The following FOXP1 variants were observed in gnomAD, a reference collection of about 807,000 sequenced individuals.
FOXP1 encodes forkhead box protein P1.
In FOXP1, 15 loss-of-function variants were observed where a neutral mutation model predicts 98.2. That is an observed-to-expected ratio of 0.15 (90% CI 0.10 to 0.24). The LOEUF is 0.24. Ranked by LOEUF, FOXP1 falls within the 10% of genes least tolerant of loss-of-function variation. The probability of loss-of-function intolerance (pLI) is 1.00; values close to 1 mark genes in which losing one functional copy is unlikely to be tolerated. For synonymous variants in FOXP1, 371 were observed against 314.5 expected (o/e 1.18, Z -1.90); for missense variants, 633 against 848.5 (o/e 0.75, Z 3.15).
At chr3:71,240,811 C>T (rs2067211845) in intron 5 of FOXP1, among the ~76,000 whole-genome samples, 1 of 151,610 alleles carries the variant, frequency 6.6e-6, no homozygotes, top group East Asian at 2.0e-4. Flanking sequence ...TCCCAAAGTA[C>T]TGGGATTACA....
At chr3:71,333,820 T>C (rs949878676) in intron 4 of FOXP1, 3 of 150,614 alleles carry the variant, frequency 2.0e-5, no homozygotes, top group Non-Finnish European at 4.4e-5. Flanking sequence ...TGAGACCCTA[T>C]CTTAAAAAAA....
intron 7 of FOXP1, among the ~76,000 whole-genome samples, chr3:71,098,439 C>G (rs17008204): frequency 0.22 from 33,300 of 152,064 alleles, 4,229 homozygotes; most frequent in East Asian, 0.57. Context: ...GATTTTCACT[C>G]CATACCTGGC....
chr3:71,326,124 A>G (rs747344653), intron 4 of FOXP1, among the ~76,000 whole-genome samples: 1 of 152,206 alleles, frequency 6.6e-6, no homozygotes, highest in African/African-American at 2.4e-5. Context: ...TTTACATGAA[A>G]TATTAAAGAA....
At chr3:71,111,598 C>T (rs2057931677) in intron 7 of FOXP1, among the ~76,000 whole-genome samples, 1 of 152,084 alleles carries the variant, frequency 6.6e-6, no homozygotes, top group African/African-American at 2.4e-5. Context: ...GGAGTTTCAC[C>T]AGGTTGGCCA....
intron 7 of FOXP1, among the ~76,000 whole-genome samples, chr3:71,106,614 G>A (rs1340175360): frequency 1.3e-5 from 2 of 149,682 alleles, no homozygotes; most frequent in African/African-American, 2.5e-5. Flanking sequence ...GTGAGCCATT[G>A]CACCCGGCCA....
chr3:71,531,076 G>A (rs1321163646), intron 2 of FOXP1, among the ~76,000 whole-genome samples: 11 of 152,312 alleles, frequency 7.2e-5, no homozygotes, highest in South Asian at 2.1e-4. Flanking sequence ...TTAAATCTGC[G>A]TTCAGGTGTG....
intron 5 of FOXP1, among the ~76,000 whole-genome samples, chr3:71,251,184 C>G (rs1576596134): frequency 6.6e-6 from 1 of 152,204 alleles, no homozygotes; most frequent in South Asian, 2.1e-4. Flanking sequence ...ACTTGCTACT[C>G]TCTTTGGGAC....
At chr3:71,513,173 C>T (rs911866272) in intron 2 of FOXP1, among the ~76,000 whole-genome samples, 6 of 152,134 alleles carry the variant, frequency 3.9e-5, no homozygotes, top group East Asian at 3.9e-4. Context: ...AGACTCAACA[C>T]GTCCAGAACT....
intron 12 of FOXP1, among the ~76,000 whole-genome samples, chr3:71,005,323 A>AAAAC (rs1273063442): frequency 2.1e-5 from 3 of 143,830 alleles, no homozygotes; most frequent in Non-Finnish European, 4.5e-5. Context: ...TTAAAAAAAA[A>AAAAC]AAAAAAAAAA....
chr3:71,198,432 G>GGGGGGGGGGCCCCCCCCCC, intron 5 of FOXP1, 40 bp from the exon 6 acceptor site: 1 of 491,034 alleles, frequency 2.0e-6, no homozygotes, highest in South Asian at 1.5e-5. Flanking sequence ...GGGAGGGGGG[G>GGGGGGGGGGCCCCCCCCCC]AGAAAAAAAA....
At chr3:71,287,118 A>G (rs2072232759) in intron 5 of FOXP1, among the ~76,000 whole-genome samples, 1 of 152,232 alleles carries the variant, frequency 6.6e-6, no homozygotes. Context: ...TAAAAGCAGG[A>G]AACAAAAAGA....
chr3:71,308,351 A>ATTTT (rs2074427063), intron 4 of FOXP1, among the ~76,000 whole-genome samples: 2 of 152,264 alleles, frequency 1.3e-5, no homozygotes, highest in African/African-American at 4.8e-5. Flanking sequence ...AGCTATCTCA[A>ATTTT]AAAGGCAAAA....
intron 6 of FOXP1, among the ~76,000 whole-genome samples, chr3:71,192,698 G>A (rs1260841631): frequency 6.6e-6 from 1 of 152,208 alleles, no homozygotes; most frequent in African/African-American, 2.4e-5. Flanking sequence ...AGCCCAGGCT[G>A]GAGTGCAGTG....
chr3:71,310,472 G>T (rs2074603591), intron 4 of FOXP1, among the ~76,000 whole-genome samples: 2 of 152,222 alleles, frequency 1.3e-5, no homozygotes, highest in South Asian at 4.1e-4. Flanking sequence ...TCTACTCTTT[G>T]CTTTTCTGCA....
chr3:71,057,536 GT>G (rs1271632014), intron 7 of FOXP1, among the ~76,000 whole-genome samples: 1 of 150,626 alleles, frequency 6.6e-6, no homozygotes, highest in Non-Finnish European at 1.5e-5. Flanking sequence ...AAATGAGTAT[GT>G]TTTATGAGTT....
rs2032651332 is a variant in FOXP1, at chr3:70,959,394, G to A, written c.1890-3C>T. Reference sequence around the variant, plus strand: ...CTTCTTTGACGTGTACAGGATGCCTGGAAAAAATATGCAGAGGTTCAGTGA... The same window carrying A: ...CTTCTTTGACGTGTACAGGATGCCTAGAAAAAATATGCAGAGGTTCAGTGA... On this transcript the variant is annotated splice_region_variant and splice_polypyrimidine_tract_variant and intron_variant, in intron 20 of 20. Transcript: ENST00000649528. 6.2e-7 allele frequency: 1 copy of A among 1,613,860 alleles called. No individual in the cohort carries two copies. The highest frequency in any genetic ancestry group is 1.1e-5 in the South Asian group (1 of 91,066).
At chr3:71,516,720 C>T (rs2042607928) in intron 2 of FOXP1, among the ~76,000 whole-genome samples, 1 of 152,036 alleles carries the variant, frequency 6.6e-6, no homozygotes, top group Non-Finnish European at 1.5e-5. Context: ...GTGGCGGGCA[C>T]CTGCAATCCC....
intron 3 of FOXP1, among the ~76,000 whole-genome samples, chr3:71,443,732 T>C (rs1347968343): frequency 6.6e-6 from 1 of 152,214 alleles, no homozygotes; most frequent in Non-Finnish European, 1.5e-5. Context: ...CTGAGTCTCA[T>C]TTTGTATCCT....
At chr3:71,074,559 C>T (rs576596258) in intron 7 of FOXP1, among the ~76,000 whole-genome samples, 32 of 152,106 alleles carry the variant, frequency 2.1e-4, no homozygotes, top group African/African-American at 5.3e-4. Flanking sequence ...ATCTTGAAGC[C>T]GGTCAGTGGG....
Sources: gnomAD v4.1 joint callset for allele counts (sites outside exome capture counted in the v4.1 genomes callset) on GRCh38, gnomAD v4.1.1 for gene constraint, MANE v1.5 for transcripts, NCBI Gene and HGNC (gene_info 2026-07-23, HGNC 2026-07-21) for gene names.